ABCC4: variants seen among roughly 807,000 people sequenced by gnomAD.
The protein encoded by ABCC4 is ATP binding cassette subfamily C member 4 (PEL blood group).
In ABCC4, 102 loss-of-function variants were observed where a neutral mutation model predicts 168.5. The observed-to-expected ratio is 0.61, with a 90% CI of 0.52 to 0.71. ABCC4 has a LOEUF of 0.71. ABCC4 is among the 30% of genes least tolerant of loss of function. ABCC4 has a pLI of 0.00. For missense variants in ABCC4, 1,402 were observed against 1,605.8 expected (o/e 0.87, Z 2.17); for synonymous variants, 617 against 590.7 (o/e 1.04, Z -0.65).
At chr13:95,252,393 G>C (rs777239533) in intron 1 of ABCC4, among the ~76,000 whole-genome samples, 1 of 152,062 alleles carries the variant, frequency 6.6e-6, no homozygotes, top group African/African-American at 2.4e-5. Context: ...TGTGTAAGTA[G>C]GGCCAGGTGT....
intron 19 of ABCC4, among the ~76,000 whole-genome samples, chr13:95,141,585 A>C (rs550714268): frequency 6.6e-6 from 1 of 152,248 alleles, no homozygotes; most frequent in African/African-American, 2.4e-5. Context: ...GTTTTTAATA[A>C]ACCTTAACAT....
intron 27 of ABCC4, among the ~76,000 whole-genome samples, chr13:95,045,556 T>C (rs1239305101): frequency 1.3e-5 from 2 of 152,166 alleles, no homozygotes; most frequent in African/African-American, 4.8e-5. Flanking sequence ...TATAACATCT[T>C]GCCCCAGACG....
intron 21 of ABCC4, among the ~76,000 whole-genome samples, chr13:95,079,386 G>A (rs891037788): frequency 7.9e-5 from 12 of 152,198 alleles, no homozygotes; most frequent in African/African-American, 2.4e-4. Context: ...GGGTACTGAC[G>A]CTGTGTAGGA....
intron 11 of ABCC4, among the ~76,000 whole-genome samples, chr13:95,180,807 A>C (rs1241744565): frequency 6.6e-6 from 1 of 152,232 alleles, no homozygotes; most frequent in Non-Finnish European, 1.5e-5. Context: ...TTTTCTAGAA[A>C]AGACACTAAA....
chr13:95,127,417 C>T (rs767919311), intron 19 of ABCC4, among the ~76,000 whole-genome samples: 2 of 152,140 alleles, frequency 1.3e-5, no homozygotes, highest in Non-Finnish European at 2.9e-5. Context: ...TCTCAAGTAG[C>T]TGGCAGGTGT....
At chr13:95,261,386 T>C (rs1023520333) in intron 1 of ABCC4, among the ~76,000 whole-genome samples, 11 of 152,088 alleles carry the variant, frequency 7.2e-5, no homozygotes, top group African/African-American at 2.4e-4. Context: ...GAGGCAGATG[T>C]TGCAGTGAGC....
In ABCC4 at chr13:95,163,658, A is replaced by C. The variant is rs776329841; in HGVS notation, c.2176-11T>G. 6.2e-7 allele frequency: 1 copy of C among 1,609,246 alleles called. No homozygotes were observed. Among genetic ancestry groups the C allele is most frequent in the South Asian group, 1.1e-5 (1 of 90,346 alleles). ...AAGCACATAGGCAACCTAGGAGGGG[A>C]GAAACAACAAAGACAAAAATCAAAC... is the stretch of plus-strand genomic sequence containing the variant. On this transcript the variant is annotated splice_polypyrimidine_tract_variant and intron_variant, in intron 16 of 30. Transcript: ENST00000645237.
At chr13:95,123,870 G>A (rs901731984) in intron 19 of ABCC4, among the ~76,000 whole-genome samples, 2 of 152,212 alleles carry the variant, frequency 1.3e-5, no homozygotes, top group Non-Finnish European at 2.9e-5. Flanking sequence ...GTGAGGCGGG[G>A]TCAGCCCTCA....
At chr13:95,282,980 T>G (rs1277642125) in intron 1 of ABCC4, among the ~76,000 whole-genome samples, 1 of 151,654 alleles carries the variant, frequency 6.6e-6, no homozygotes, top group East Asian at 2.0e-4. Flanking sequence ...CACTTTGGGA[T>G]CCCAAGGCAG....
intron 19 of ABCC4, among the ~76,000 whole-genome samples, chr13:95,140,770 G>C (rs958228050): frequency 1.3e-5 from 2 of 152,100 alleles, no homozygotes; most frequent in Non-Finnish European, 2.9e-5. Context: ...TTTCATACTA[G>C]TTCTTCCCCT....
At chr13:95,183,624 C>A (rs1479389) in intron 11 of ABCC4, among the ~76,000 whole-genome samples, 23,420 of 152,186 alleles carry the variant, frequency 0.15, 2,496 homozygotes, top group Non-Finnish European at 0.22. Flanking sequence ...AAAGTGGACA[C>A]CGAGCTGGTC....
chr13:95,141,076 T>C (rs2036303190), intron 19 of ABCC4, among the ~76,000 whole-genome samples: 1 of 152,202 alleles, frequency 6.6e-6, no homozygotes, highest in Non-Finnish European at 1.5e-5. Context: ...AGACTCTGCA[T>C]CCCTCAGATG....
intron 27 of ABCC4, among the ~76,000 whole-genome samples, chr13:95,045,527 A>G (rs1194824878): frequency 1.3e-5 from 2 of 152,174 alleles, no homozygotes; most frequent in African/African-American, 4.8e-5. Flanking sequence ...ATGAAAACTC[A>G]CAAAAAAACA....
intron 25 of ABCC4, among the ~76,000 whole-genome samples, chr13:95,070,531 C>T (rs981221199): frequency 1.1e-4 from 16 of 152,200 alleles, no homozygotes; most frequent in Admixed American, 6.5e-5. Flanking sequence ...TGCTGGCAGA[C>T]TTAGATACCT....
intron 26 of ABCC4, among the ~76,000 whole-genome samples, chr13:95,053,433 A>G (rs1475921620): frequency 6.6e-6 from 1 of 152,228 alleles, no homozygotes; most frequent in Non-Finnish European, 1.5e-5. Context: ...GAAGAAAATG[A>G]AAAATACAGG....
At chr13:95,056,371 T>TA (rs1244225442) in intron 26 of ABCC4, among the ~76,000 whole-genome samples, 1 of 152,210 alleles carries the variant, frequency 6.6e-6, no homozygotes, top group Admixed American at 6.5e-5. Context: ...CCTTCTTTTT[T>TA]AAAAAAACCC....
intron 1 of ABCC4, among the ~76,000 whole-genome samples, chr13:95,261,371 C>T (rs1260028107): frequency 6.6e-6 from 1 of 152,104 alleles, no homozygotes; most frequent in African/African-American, 2.4e-5. Flanking sequence ...ATCACTTGAA[C>T]CCAAGAGGCA....
chr13:95,062,820 G>A lies in ABCC4; in HGVS notation c.3250C>T (p.Leu1084Phe), dbSNP rs1292889268. ...VGRTGAGKSS[L>F]ISALFRLSEP... Reference sequence around the variant, plus strand: ...GACAATCTAAAAAGGGCTGAGATGAGGGAACTTTTTCCAGCTCCGGTTCTT... The same window carrying A: ...GACAATCTAAAAAGGGCTGAGATGAAGGAACTTTTTCCAGCTCCGGTTCTT... The change falls in exon 26 of 31, where the codon CTC becomes TTC. Residue 1084 changes from leucine (L) to phenylalanine (F), a missense_variant. This residue lies in a region of ABCC4 where 1,007 missense variants were observed against 1,127.3 expected (regional missense o/e 0.89). Coordinates refer to ENST00000645237, the MANE Select transcript of ABCC4 (RefSeq NM_005845.5). 6.2e-7 allele frequency: 1 copy of A among 1,613,242 alleles called. No individual in the cohort carries two copies. The highest frequency in any genetic ancestry group is 8.5e-7 in the Non-Finnish European group (1 of 1,179,898).
At chr13:95,144,303 G>A (rs934910120) in intron 19 of ABCC4, among the ~76,000 whole-genome samples, 4 of 151,792 alleles carry the variant, frequency 2.6e-5, no homozygotes, top group African/African-American at 9.7e-5. Context: ...TTTAGAAAAT[G>A]CCCAGGGACA....
Sources: gnomAD v4.1 joint callset for allele counts (sites outside exome capture counted in the v4.1 genomes callset) on GRCh38, gnomAD v4.1.1 for gene constraint, gnomAD v4.1.1 regional missense constraint, MANE v1.5 for transcripts, NCBI Gene and HGNC (gene_info 2026-07-23, HGNC 2026-07-21) for gene names.